PARD3B: variants seen among roughly 807,000 people sequenced by gnomAD.
The protein encoded by PARD3B is partitioning defective 3 homolog B.
PARD3B carries 103 observed loss-of-function variants against 130.2 expected under a neutral mutation model. The observed-to-expected ratio is 0.79, with a 90% CI of 0.67 to 0.93. The LOEUF is 0.93. Ranked by LOEUF, PARD3B falls within the 40% of genes least tolerant of loss-of-function variation. PARD3B has a pLI of 0.00. For missense variants in PARD3B, 1,609 were observed against 1,499.2 expected, an observed-to-expected ratio of 1.07 and a Z score of -1.21; for synonymous variants, 583 against 553.2, an observed-to-expected ratio of 1.05 and a Z score of -0.76.
At chr2:204,723,177 G>A (rs1221417128) in intron 2 of PARD3B, among the ~76,000 whole-genome samples, 2 of 152,068 alleles carry the variant, frequency 1.3e-5, no homozygotes, top group Admixed American at 1.3e-4. Context: ...ATGCTGTTGA[G>A]TATGTTTTTA....
rs2046460776 is a variant in PARD3B, at chr2:205,407,818, A to G, written c.2741+6695A>G. Among the ~76,000 whole-genome samples, 1 of 152,148 alleles carries G rather than the reference A, an allele frequency of 6.6e-6. No homozygotes were observed. The highest frequency in any genetic ancestry group is 2.4e-5 in the African/African-American group (1 of 41,440). On this transcript the variant is annotated intron_variant, in intron 19 of 22. Transcript: ENST00000406610. The surrounding 1 kb of genome is among the most constrained non-coding windows in gnomAD (Gnocchi z 4.1). ...GTTTTCTCCTAAAATTGAAAAAAAA[A>G]TTTTAATAACATGAGTTATATACTC... is the stretch of plus-strand genomic sequence containing the variant.
intron 1 of PARD3B, among the ~76,000 whole-genome samples, chr2:204,680,875 C>T (rs1354518017): frequency 3.3e-5 from 5 of 152,014 alleles, no homozygotes; most frequent in Non-Finnish European, 5.9e-5. Flanking sequence ...ATTTGGTACA[C>T]GTTCCATGTA....
At chr2:205,498,150 A>C (rs2106336684) in intron 20 of PARD3B, among the ~76,000 whole-genome samples, 1 of 150,048 alleles carries the variant, frequency 6.7e-6, no homozygotes, top group African/African-American at 2.4e-5. Flanking sequence ...CAGTGAGCCA[A>C]GATCGCACCA....
rs142774428 is a variant in PARD3B at position 205,422,529 on chromosome 2, T to C, written c.2742-17841T>C. 2.5e-3 allele frequency among the ~76,000 whole-genome samples: 377 copies of C among 152,318 alleles called. 7 individuals are homozygous for C. Among genetic ancestry groups the C allele is most frequent in the African/African-American group, 8.7e-3 (361 of 41,574 alleles). ...TTCCTTACTGTGGTTACATAGAGCC[T>C]GAATAAAATCTAAATCTTAGTCATG... On this transcript the variant is annotated intron_variant, in intron 19 of 22. Coordinates refer to ENST00000406610, the MANE Select transcript of PARD3B (RefSeq NM_001302769.2).
chr2:205,509,144 T>C (rs374096974), intron 21 of PARD3B, among the ~76,000 whole-genome samples: 30 of 152,000 alleles, frequency 2.0e-4, no homozygotes, highest in African/African-American at 6.8e-4. Context: ...TTACAGGCAG[T>C]CCCCAACATA....
At position 205,405,081 on chromosome 2, in the gene PARD3B, T is replaced by C. The variant is rs1331503970; in HGVS notation, c.2741+3958T>C. On this transcript the variant is annotated intron_variant, in intron 19 of 22. Transcript: ENST00000406610. The surrounding 1 kb of genome is among the most constrained non-coding windows in gnomAD (Gnocchi z 4.1). ...CTGATCCGAAACCATTTTGCTGCTA[T>C]ATATGGATAGTTTATCTATAGCTAC... Among the ~76,000 whole-genome samples, 1 of 152,170 alleles carries C rather than the reference T, an allele frequency of 6.6e-6. No individual in the cohort carries two copies. Among genetic ancestry groups the C allele is most frequent in the Non-Finnish European group, 1.5e-5 (1 of 68,032 alleles).
Position 205,078,102 on chromosome 2 carries a change from A to G in PARD3B, c.505-26324A>G, listed in dbSNP as rs1392157254. 6.6e-6 allele frequency among the ~76,000 whole-genome samples: 1 copy of G among 152,218 alleles called. No individual in the cohort carries two copies. Among genetic ancestry groups the G allele is most frequent in the African/African-American group, 2.4e-5 (1 of 41,452 alleles). On this transcript the variant is annotated intron_variant, in intron 4 of 22. Coordinates refer to ENST00000406610, the MANE Select transcript of PARD3B (RefSeq NM_001302769.2). This position sits in a 1 kb window ranked among gnomAD's most constrained non-coding sequence, Gnocchi z 4.0. ...GTCAGTTTATGTCTGTATAACATGCATGGCTTTCCAAAAAGGTGATTTATG... is the reference window on the plus strand; with the variant it reads ...GTCAGTTTATGTCTGTATAACATGCGTGGCTTTCCAAAAAGGTGATTTATG...
chr2:204,978,451 G>T (rs943821075), intron 3 of PARD3B, among the ~76,000 whole-genome samples: 1 of 151,950 alleles, frequency 6.6e-6, no homozygotes. Flanking sequence ...ACATAACATG[G>T]GTGTTATTAA....
chr2:205,546,068 T>C (rs1239982418), intron 21 of PARD3B, among the ~76,000 whole-genome samples: 2 of 152,156 alleles, frequency 1.3e-5, no homozygotes, highest in African/African-American at 4.8e-5. Context: ...CAGCAGGCAT[T>C]GAGTGAATGA....
rs572250575 is a variant in PARD3B at position 204,842,188 on chromosome 2, G to A, written c.223-122964G>A. Among the ~76,000 whole-genome samples, 88 of 152,094 alleles carry A rather than the reference G, an allele frequency of 5.8e-4. 1 individual carries two copies. The highest frequency in any genetic ancestry group is 6.8e-3 in the Middle Eastern group (2 of 292). ...TGTGCTTGTGTGTGCTCTTAATAGC[G>A]GTTATTTTTCAAAGCAATAGTCTTT... On this transcript the variant is annotated intron_variant, in intron 2 of 22. Transcript: ENST00000406610.
At chr2:204,950,493 G>T (rs368201897) in intron 2 of PARD3B, among the ~76,000 whole-genome samples, 1 of 152,240 alleles carries the variant, frequency 6.6e-6, no homozygotes, top group East Asian at 1.9e-4. Context: ...ATGCGAGGGC[G>T]TGCGGGGTGG....
At chr2:205,539,953 A>G (rs954591773) in intron 21 of PARD3B, among the ~76,000 whole-genome samples, 10 of 152,182 alleles carry the variant, frequency 6.6e-5, no homozygotes, top group Admixed American at 6.5e-4. Context: ...CAGAGGGGAA[A>G]AGACTCAGCA....
intron 21 of PARD3B, among the ~76,000 whole-genome samples, chr2:205,504,899 C>T (rs950038233): frequency 5.3e-5 from 8 of 152,184 alleles, no homozygotes; most frequent in South Asian, 2.1e-4. Context: ...GGTATATACC[C>T]AAAGGATTAT....
Position 205,269,595 on chromosome 2 carries a change from C to A in PARD3B, c.2185+23773C>A, listed in dbSNP as rs1485840098. On this transcript the variant is annotated intron_variant, in intron 16 of 22. Coordinates refer to ENST00000406610, the MANE Select transcript of PARD3B (RefSeq NM_001302769.2). This position sits in a 1 kb window ranked among gnomAD's most constrained non-coding sequence, Gnocchi z 4.7. ...TGCTGATTCTCAATAACCACACTTA[C>A]ACCTGACAAACAAAAATGCATTACT... 6.6e-6 allele frequency among the ~76,000 whole-genome samples: 1 copy of A among 152,092 alleles called. No homozygotes were observed. The highest frequency in any genetic ancestry group is 1.9e-4 in the East Asian group (1 of 5,190).
intron 3 of PARD3B, among the ~76,000 whole-genome samples, chr2:205,043,712 T>C (rs1339345422): frequency 1.3e-5 from 2 of 152,142 alleles, no homozygotes; most frequent in Non-Finnish European, 2.9e-5. Flanking sequence ...CTACCATATA[T>C]TCAAGGTTTT....
intron 10 of PARD3B, among the ~76,000 whole-genome samples, chr2:205,143,322 C>T (rs1301639032): frequency 1.3e-5 from 2 of 152,052 alleles, no homozygotes; most frequent in Admixed American, 6.6e-5. Context: ...CAAGTAAAAA[C>T]GGGGCTGTGA....
intron 1 of PARD3B, among the ~76,000 whole-genome samples, chr2:204,611,595 A>C (rs1482344234): frequency 6.6e-6 from 1 of 152,196 alleles, no homozygotes; most frequent in Non-Finnish European, 1.5e-5. Flanking sequence ...TATAAGGTTT[A>C]TAACTTGCAG....
intron 16 of PARD3B, among the ~76,000 whole-genome samples, chr2:205,286,078 A>T (rs977488250): frequency 2.0e-5 from 3 of 152,210 alleles, no homozygotes; most frequent in African/African-American, 7.2e-5. Flanking sequence ...TTTACCCAGA[A>T]CAAGGCAGGG....
At chr2:204,903,110 G>A (rs570747168) in intron 2 of PARD3B, among the ~76,000 whole-genome samples, 1 of 152,158 alleles carries the variant, frequency 6.6e-6, no homozygotes, top group South Asian at 2.1e-4. Context: ...TTCCCATGTA[G>A]GCCTTTATGG....
Sources: gnomAD v4.1 joint callset for allele counts (sites outside exome capture counted in the v4.1 genomes callset) on GRCh38, gnomAD v4.1.1 for gene constraint, Gnocchi (gnomAD v3.1) non-coding constraint, MANE v1.5 for transcripts, NCBI Gene and HGNC (gene_info 2026-07-23, HGNC 2026-07-21) for gene names.